The following EXOC2 variants were observed in gnomAD, a reference collection of about 807,000 sequenced individuals.
The protein encoded by EXOC2 is exocyst complex component 2.
In EXOC2, 70 loss-of-function variants were observed where a neutral mutation model predicts 131.8. That is an observed-to-expected ratio of 0.53 (90% CI 0.44 to 0.65). EXOC2 has a LOEUF of 0.65. Among genes scored for constraint, EXOC2 ranks in the 30% least tolerant of loss-of-function variants. The pLI is 0.00. For missense variants in EXOC2, 923 were observed against 1,108.6 expected (o/e 0.83, Z 2.38); for synonymous variants, 411 against 398.4 (o/e 1.03, Z -0.38).
In EXOC2 at chr6:501,200, T is replaced by TC. The variant is rs1764086657; in HGVS notation, c.2381-1501_2381-1500insG. 1.1e-4 allele frequency among the ~76,000 whole-genome samples: 2 copies of TC among 18,248 alleles called. 1 individual carries two copies. The highest frequency in any genetic ancestry group is 2.3e-4 in the Non-Finnish European group (2 of 8,598). 12.0% of individuals were successfully genotyped at this position (18,248 alleles called of 152,430 possible). On this transcript the variant is annotated intron_variant, in intron 23 of 27. Transcript: ENST00000230449. ...TCTATATATTATATATATCTATATA[T>TC]ATTATATATATATTATATATATCTA...
At position 486,547 on chromosome 6, in the gene EXOC2, G is replaced by C; in HGVS notation, c.*124C>G. On this transcript the variant is annotated 3_prime_UTR_variant, in exon 28 of 28. Transcript: ENST00000230449. ...TGTATACCAACAATTTTCGAAGTCA[G>C]AGGAAGAAAAAAGAGAAAAATGGCA... 1.2e-6 allele frequency: 1 copy of C among 834,686 alleles called. No homozygotes were observed. Among genetic ancestry groups the C allele is most frequent in the South Asian group, 1.8e-5 (1 of 54,996 alleles). 51.7% of individuals were successfully genotyped at this position (834,686 alleles called of 1,614,324 possible). A position where few individuals can be genotyped will look rare whatever the true frequency, so the allele number is the denominator to read the frequency against.
chr6:669,182 C>T (rs1763751981), intron 1 of EXOC2: 1 of 152,382 alleles, frequency 6.6e-6, no homozygotes, highest in Middle Eastern at 3.4e-3. Context: ...GCAGCGAGCA[C>T]AGCTTGAACT....
At chr6:503,128 A>G (rs1348493993) in intron 23 of EXOC2, among the ~76,000 whole-genome samples, 1 of 152,180 alleles carries the variant, frequency 6.6e-6, no homozygotes, top group African/African-American at 2.4e-5. Flanking sequence ...GTCTCTCTCC[A>G]AAAAGCTAAT....
At chr6:517,031 G>C (rs1765198263) in intron 23 of EXOC2, among the ~76,000 whole-genome samples, 1 of 152,194 alleles carries the variant, frequency 6.6e-6, no homozygotes. Flanking sequence ...AATATGAGAA[G>C]GGACCATGAC....
rs867470491 is a variant in EXOC2 at position 676,184 on chromosome 6, A to C, written c.-44+16835T>G. On this transcript the variant is annotated intron_variant, in intron 1 of 27. Transcript: ENST00000230449. The stretch of plus-strand genomic sequence containing the variant: ...TTACGGAAAGGACAGGTTCCTCTGG[A>C]GACTGCGGTTCCCCATACTCTTCAA... 9.5e-4 allele frequency among the ~76,000 whole-genome samples: 31 copies of C among 32,540 alleles called. 1 individual carries two copies. Among genetic ancestry groups the C allele is most frequent in the East Asian group, 8.9e-3 (1 of 112 alleles). The allele number at this position is 32,540 out of a possible 152,430, so 21.3% of individuals were successfully genotyped here.
intron 1 of EXOC2, among the ~76,000 whole-genome samples, chr6:677,225 G>C (rs1433880633): frequency 6.6e-6 from 1 of 151,646 alleles, no homozygotes; most frequent in Non-Finnish European, 1.5e-5. Flanking sequence ...AGACTCTGCG[G>C]TTCCCCATAC....
At chr6:639,570 C>T (rs892239099) in intron 1 of EXOC2, among the ~76,000 whole-genome samples, 3 of 152,164 alleles carry the variant, frequency 2.0e-5, no homozygotes, top group Admixed American at 6.5e-5. Flanking sequence ...CATTATTCCC[C>T]GCAGAAACTG....
At chr6:678,493 C>T (rs1764255233) in intron 1 of EXOC2, among the ~76,000 whole-genome samples, 1 of 152,246 alleles carries the variant, frequency 6.6e-6, no homozygotes, top group African/African-American at 2.4e-5. Context: ...GCTGCGCTGA[C>T]ACGCCAGAGA....
intron 1 of EXOC2, among the ~76,000 whole-genome samples, chr6:661,703 C>T (rs1404919353): frequency 2.0e-5 from 3 of 152,096 alleles, no homozygotes; most frequent in Admixed American, 6.5e-5. Context: ...ATAAATCACA[C>T]AGGACCTATA....
intron 25 of EXOC2, among the ~76,000 whole-genome samples, chr6:494,651 AGTTTT>A (rs967168725): frequency 2.6e-5 from 4 of 152,106 alleles, no homozygotes; most frequent in African/African-American, 7.2e-5. Flanking sequence ...CATCACAGTT[AGTTTT>A]ATTTGTTCTA....
chr6:561,761 T>G (rs1422798137), intron 17 of EXOC2, among the ~76,000 whole-genome samples: 1 of 152,136 alleles, frequency 6.6e-6, no homozygotes, highest in Non-Finnish European at 1.5e-5. Context: ...AAATTTTGTA[T>G]TTTTAGTAGA....
chr6:500,158 T>G (rs182205944), intron 23 of EXOC2, among the ~76,000 whole-genome samples: 63 of 152,306 alleles, frequency 4.1e-4, no homozygotes, highest in African/African-American at 1.3e-3. Flanking sequence ...TGTTTAACAA[T>G]GCTTATAAAA....
At chr6:668,119 A>G (rs1394117621) in intron 1 of EXOC2, among the ~76,000 whole-genome samples, 2 of 152,142 alleles carry the variant, frequency 1.3e-5, no homozygotes, top group Non-Finnish European at 1.5e-5. Context: ...CTGGAATAGG[A>G]TATGTCTGAG....
intron 17 of EXOC2, among the ~76,000 whole-genome samples, chr6:561,814 C>T (rs1273157925): frequency 2.0e-5 from 3 of 152,142 alleles, no homozygotes; most frequent in Non-Finnish European, 2.9e-5. Context: ...TCGCTCTTGA[C>T]CTCATGATCC....
At position 489,098 on chromosome 6, in the gene EXOC2, TCTTAAGCATCC is replaced by T. The variant is rs2127464696; in HGVS notation, c.2622-71_2622-61del. ...TTGCACAGGAGAACTGCTGACAAATTCTTAAGCATCCCTTAATTATTGAGAAGCCAATAAAA... is the reference window on the plus strand; with the variant it reads ...TTGCACAGGAGAACTGCTGACAAATTCTTAATTATTGAGAAGCCAATAAAA... On this transcript the variant is annotated intron_variant, in intron 26 of 27. Transcript: ENST00000230449. 6 of 1,509,106 alleles carry T rather than the reference TCTTAAGCATCC, an allele frequency of 4.0e-6. No homozygotes were observed. The South Asian group carries it at 5.8e-5, about 15-fold the overall frequency. 93.5% of individuals were successfully genotyped at this position (1,509,106 alleles called of 1,614,324 possible).
At chr6:653,443 A>C (rs935246783) in intron 1 of EXOC2, among the ~76,000 whole-genome samples, 4 of 152,218 alleles carry the variant, frequency 2.6e-5, no homozygotes, top group Non-Finnish European at 4.4e-5. Context: ...TTTATTGCTG[A>C]TATGGAGAAA....
chr6:541,040 G>A (rs1037359453), intron 22 of EXOC2, among the ~76,000 whole-genome samples: 2 of 152,164 alleles, frequency 1.3e-5, no homozygotes, highest in African/African-American at 4.8e-5. Context: ...GTAAGGACAC[G>A]ATCTTTTCAA....
intron 4 of EXOC2, among the ~76,000 whole-genome samples, chr6:625,688 C>A (rs894568235): frequency 6.6e-6 from 1 of 152,104 alleles, no homozygotes; most frequent in Non-Finnish European, 1.5e-5. Context: ...AAAATACAGT[C>A]TTCTAAATGT....
rs377338978 is a variant in EXOC2, at chr6:485,413, G to A, written c.*1258C>T. The A allele has an allele frequency of 2.6e-4, 40 of 152,206 alleles. No individual in the cohort carries two copies. The East Asian group carries it at 4.2e-3, about 16-fold the overall frequency. The allele number at this position is 152,206 out of a possible 1,614,324, so 9.4% of individuals were successfully genotyped here. On this transcript the variant is annotated 3_prime_UTR_variant, in exon 28 of 28. Transcript: ENST00000230449. ...ATTTTAAATAATGGAAACTGTACAT[G>A]GCTACACTGTGCTCTAAAATTACTT...
Sources: gnomAD v4.1 joint callset for allele counts (sites outside exome capture counted in the v4.1 genomes callset) on GRCh38, gnomAD v4.1.1 for gene constraint, MANE v1.5 for transcripts, NCBI Gene and HGNC (gene_info 2026-07-23, HGNC 2026-07-21) for gene names.